Variants in GLIS2 observed in about 807,000 individuals in gnomAD.
The protein encoded by GLIS2 is GLIS family zinc finger 2, also known as zinc finger protein GLIS2.
In GLIS2, 14 loss-of-function variants were observed where a neutral mutation model predicts 35.6. The observed-to-expected ratio is 0.39, with a 90% CI of 0.26 to 0.61. The LOEUF (loss-of-function observed/expected upper bound fraction) is 0.61, where lower values mean the gene tolerates loss of function less well. Among genes scored for constraint, GLIS2 ranks in the 20% least tolerant of loss-of-function variants. The probability of loss-of-function intolerance (pLI) is 0.48; values close to 1 mark genes in which losing one functional copy is unlikely to be tolerated. For missense variants in GLIS2, 675 were observed against 713.4 expected, an observed-to-expected ratio of 0.95 and a Z score of 0.61; for synonymous variants, 368 against 325.1, an observed-to-expected ratio of 1.13 and a Z score of -1.42.
chr16:4,321,296 A>T (rs1327205970), intron 1 of GLIS2, among the ~76,000 whole-genome samples: 1 of 152,122 alleles, frequency 6.6e-6, no homozygotes, highest in Non-Finnish European at 1.5e-5. Context: ...TGGGACAGGG[A>T]GAAAGAGGCA....
chr16:4,333,442 G>C lies in GLIS2; in HGVS notation c.268G>C (p.Asp90His). 2.5e-6 allele frequency: 4 copies of C among 1,612,970 alleles called. No individual in the cohort carries two copies. The highest frequency in any genetic ancestry group is 3.4e-6 in the Non-Finnish European group (4 of 1,180,006). ...DLSLSPPSGLDSPNGSSSLSP... is the reference protein window; with the variant it reads ...DLSLSPPSGLHSPNGSSSLSP... The stretch of plus-strand genomic sequence containing the variant: ...CAGCCTGTCACCACCATCTGGGCTG[G>C]ACTCCCCCAATGGCAGCAGCTCGCT... Residue 90 changes from aspartate to histidine, a missense_variant, in exon 3 of 7, where the codon GAC becomes CAC. Transcript: ENST00000433375.
Position 4,320,650 on chromosome 16 carries a change from G to C in GLIS2, c.-67+4396G>C, listed in dbSNP as rs1036818456. On this transcript the variant is annotated intron_variant, in intron 1 of 6. Coordinates refer to ENST00000433375, the MANE Select transcript of GLIS2 (RefSeq NM_032575.3). The surrounding 1 kb of genome is among the most constrained non-coding windows in gnomAD (Gnocchi z 5.6). ...TCCCCTTCCCTGCATCGTCTGCCTG[G>C]GGCTGTCTAGCAAGTCCCGGCCTGC... Among the ~76,000 whole-genome samples the C allele has an allele frequency of 7.9e-5, 12 of 152,278 alleles. No homozygotes were observed. The South Asian group carries it at 8.3e-4, about 11-fold the overall frequency.
rs764065081 is a variant in GLIS2, at chr16:4,338,179, C to G, written c.*655C>G. 6.4e-6 allele frequency: 1 copy of G among 156,522 alleles called. No individual in the cohort carries two copies. Among genetic ancestry groups the G allele is most frequent in the Non-Finnish European group, 1.4e-5 (1 of 70,652 alleles). 9.7% of individuals were successfully genotyped at this position (156,522 alleles called of 1,614,324 possible). A position where few individuals can be genotyped will look rare whatever the true frequency, so the allele number is the denominator to read the frequency against. ...CCGCCGTCCTCACCCCAGGCCAGGC[C>G]TGCAGTACCAGACGGGATAGCTGGC... On this transcript the variant is annotated 3_prime_UTR_variant, in exon 7 of 7. Coordinates refer to ENST00000433375, the MANE Select transcript of GLIS2 (RefSeq NM_032575.3).
At chr16:4,327,888 C>G (rs1322649305) in intron 1 of GLIS2, among the ~76,000 whole-genome samples, 6 of 152,178 alleles carry the variant, frequency 3.9e-5, no homozygotes, top group African/African-American at 1.4e-4. Flanking sequence ...CCCCCACCCC[C>G]CACCGACAAC....
chr16:4,316,697 G>T (rs1267506289), intron 1 of GLIS2, among the ~76,000 whole-genome samples: 1 of 152,136 alleles, frequency 6.6e-6, no homozygotes, highest in African/African-American at 2.4e-5. Flanking sequence ...GGCTTTGGAA[G>T]GTGCCTCCTC....
intron 1 of GLIS2, among the ~76,000 whole-genome samples, chr16:4,326,800 G>A (rs1248327256): frequency 4.6e-5 from 6 of 131,836 alleles, no homozygotes; most frequent in African/African-American, 8.7e-5. Flanking sequence ...TCACTCCGTC[G>A]CCCAGGCTGG....
At chr16:4,325,385 T>G (rs1358102331) in intron 1 of GLIS2, 1 of 152,276 alleles carries the variant, frequency 6.6e-6, no homozygotes, top group African/African-American at 2.4e-5. Flanking sequence ...AGCACCTGCC[T>G]TCACAGTACC....
At position 4,337,180 on chromosome 16, in the gene GLIS2, C is replaced by T; in HGVS notation, c.1231C>T (p.Leu411=). The change falls in exon 7 of 7, where the codon CTG becomes TTG. Residue 411 remains leucine (L), a synonymous_variant. Transcript: ENST00000433375. The part of the protein sequence containing the change: ...GLPGPVLPLN[L]AKNPLLPSPF... ...GCCAGGCCCCGTCCTGCCTCTCAAT[C>T]TGGCCAAGAACCCGCTGCTGCCCTC... The T allele has an allele frequency of 3.2e-6, 5 of 1,544,008 alleles. No individual in the cohort carries two copies. Among genetic ancestry groups the T allele is most frequent in the Non-Finnish European group, 4.4e-6 (5 of 1,146,940 alleles).
At position 4,329,698 on chromosome 16, in the gene GLIS2, CG is replaced by C. The variant is rs573592123; in HGVS notation, c.-66-2512del. 2.6e-5 allele frequency among the ~76,000 whole-genome samples: 4 copies of C among 152,320 alleles called. No individual in the cohort carries two copies. In the East Asian group the frequency reaches 7.7e-4, roughly 29 times the overall value. On this transcript the variant is annotated intron_variant, in intron 1 of 6. Transcript: ENST00000433375. ...CTATGCTAGCCCCCAGGGAAACACA[CG>C]GGGGCATATCCAAAGTATTTCACCA...
In GLIS2 at chr16:4,332,121, CCCCCTG is replaced by C; in HGVS notation, c.-66-92_-66-87del. The C allele has an allele frequency of 1.2e-5, 11 of 927,990 alleles. No homozygotes were observed. Among genetic ancestry groups the C allele is most frequent in the Non-Finnish European group, 1.8e-5 (11 of 595,380 alleles). 57.5% of individuals were successfully genotyped at this position (927,990 alleles called of 1,614,324 possible). ...CTACCCAGGAGACAACCTCACACTG[CCCCCTG>C]CTCCTGCTCCTGTTAGACTGTCATG... On this transcript the variant is annotated intron_variant, in intron 1 of 6. Transcript: ENST00000433375. This position sits in a 1 kb window ranked among gnomAD's most constrained non-coding sequence, Gnocchi z 5.4.
rs959797262 is a variant in GLIS2 at position 4,322,559 on chromosome 16, A to G, written c.-67+6305A>G. The stretch of plus-strand genomic sequence containing the variant: ...GACCCGCAGGGCTCCCACCTCCCCA[A>G]GGCTCTTCACCCCATATCCATGAGG... On this transcript the variant is annotated intron_variant, in intron 1 of 6. Transcript: ENST00000433375. 3.3e-5 allele frequency among the ~76,000 whole-genome samples: 5 copies of G among 152,084 alleles called. No individual in the cohort carries two copies. In the South Asian group the frequency reaches 8.3e-4, roughly 25 times the overall value.
chr16:4,316,299 CGGG>C (rs1293109635), intron 1 of GLIS2, among the ~76,000 whole-genome samples, 45 bp downstream of exon 1: 10 of 52,972 alleles, frequency 1.9e-4, no homozygotes, highest in African/African-American at 5.4e-4. Context: ...CGGGCCGGGG[CGGG>C]GGGGGGGGGG....
intron 1 of GLIS2, among the ~76,000 whole-genome samples, chr16:4,325,951 A>C (rs2053425810): frequency 6.7e-6 from 1 of 148,618 alleles, no homozygotes; most frequent in African/African-American, 2.5e-5. Flanking sequence ...AAAAAAAAAA[A>C]AAAAAGGCCA....
intron 1 of GLIS2, among the ~76,000 whole-genome samples, chr16:4,323,285 G>A (rs977405888): frequency 1.3e-5 from 2 of 152,182 alleles, no homozygotes; most frequent in African/African-American, 4.8e-5. Context: ...CAGTGCTCTG[G>A]TCCCCTCCCC....
At chr16:4,324,202 G>C (rs1050030398) in intron 1 of GLIS2, among the ~76,000 whole-genome samples, 6 of 152,132 alleles carry the variant, frequency 3.9e-5, no homozygotes. Flanking sequence ...GGGAGGGGCT[G>C]CCTACTGAGC....
In GLIS2 at chr16:4,318,273, C is replaced by T. The variant is rs1438862822; in HGVS notation, c.-67+2019C>T. 4.6e-5 allele frequency among the ~76,000 whole-genome samples: 7 copies of T among 152,272 alleles called. No homozygotes were observed. In the East Asian group the frequency reaches 1.2e-3, roughly 25 times the overall value. ...AACTTCCAGTGGTCCTTGGGTCAGA[C>T]TCCTCCCCTCTCCCGGCCTTGTCTA... On this transcript the variant is annotated intron_variant, in intron 1 of 6. Transcript: ENST00000433375.
Position 4,335,320 on chromosome 16 carries a change from A to G in GLIS2, c.702A>G (p.Pro234=), listed in dbSNP as rs2141133204. The change falls in exon 6 of 7, where the codon CCA becomes CCG. Residue 234 remains proline (P), a synonymous_variant. Transcript: ENST00000433375. This position sits in a 1 kb window ranked among gnomAD's most constrained non-coding sequence, Gnocchi z 4.6. The part of the protein sequence containing the change: ...IHIRTHTNEK[P]HRCPTCSKSF... ...TCCGCACACACACCAACGAGAAGCC[A>G]CACCGCTGTCCGACCTGCAGCAAGA... The G allele has an allele frequency of 3.1e-6, 5 of 1,613,850 alleles. No homozygotes were observed. Among genetic ancestry groups the G allele is most frequent in the Non-Finnish European group, 4.2e-6 (5 of 1,180,022 alleles).
chr16:4,320,301 G>A lies in GLIS2; in HGVS notation c.-67+4047G>A, dbSNP rs1163037344. Among the ~76,000 whole-genome samples, 7 of 152,214 alleles carry A rather than the reference G, an allele frequency of 4.6e-5. No homozygotes were observed. The highest frequency in any genetic ancestry group is 3.4e-3 in the Middle Eastern group (1 of 294). ...GAGTGGACTGAGTCAGCCCCCGGCC[G>A]GGAGCCTCCGGAAAACAGTCCTGCC... On this transcript the variant is annotated intron_variant, in intron 1 of 6. Transcript: ENST00000433375. This position sits in a 1 kb window ranked among gnomAD's most constrained non-coding sequence, Gnocchi z 5.6.
Position 4,320,590 on chromosome 16 carries a change from G to A in GLIS2, c.-67+4336G>A, listed in dbSNP as rs1481933002. Among the ~76,000 whole-genome samples, 5 of 152,058 alleles carry A rather than the reference G, an allele frequency of 3.3e-5. No individual in the cohort carries two copies. The highest frequency in any genetic ancestry group is 1.5e-5 in the Non-Finnish European group (1 of 68,014). ...CCTGCCCCCCACGTCCACTGCAAGGGCATGACGGGGGCCAACGTGTCTGGA... is the reference window on the plus strand; with the variant it reads ...CCTGCCCCCCACGTCCACTGCAAGGACATGACGGGGGCCAACGTGTCTGGA... On this transcript the variant is annotated intron_variant, in intron 1 of 6. Coordinates refer to ENST00000433375, the MANE Select transcript of GLIS2 (RefSeq NM_032575.3). The surrounding 1 kb of genome is among the most constrained non-coding windows in gnomAD (Gnocchi z 5.6).
Sources: gnomAD v4.1 joint callset for allele counts (sites outside exome capture counted in the v4.1 genomes callset) on GRCh38, gnomAD v4.1.1 for gene constraint, Gnocchi (gnomAD v3.1) non-coding constraint, MANE v1.5 for transcripts, NCBI Gene and HGNC (gene_info 2026-07-23, HGNC 2026-07-21) for gene names.